The following RANBP2 variants were observed in gnomAD, a reference collection of about 807,000 sequenced individuals.
The protein encoded by RANBP2 is RAN binding protein 2, also known as E3 SUMO-protein ligase RanBP2.
In RANBP2, 57 loss-of-function variants were observed where a neutral mutation model predicts 303.6. The observed-to-expected ratio is 0.19, with a 90% confidence interval of 0.15 to 0.23. The LOEUF (loss-of-function observed/expected upper bound fraction) is 0.23, where lower values mean the gene tolerates loss of function less well. Among genes scored for constraint, RANBP2 ranks in the 10% least tolerant of loss-of-function variants. The pLI is 1.00. For synonymous variants in RANBP2, 1,167 were observed against 1,301.5 expected, an observed-to-expected ratio of 0.90 and a Z score of 2.23; for missense variants, 3,138 against 3,780.8, an observed-to-expected ratio of 0.83 and a Z score of 4.46.
At chr2:109,129,026 TC>T in the RANBP2 span, 1 of 414,456 alleles carries the variant, frequency 2.4e-6, no homozygotes, top group Non-Finnish European at 4.8e-6. Flanking sequence ...TGCTGAATCC[TC>T]TGGAGGACAG....
the RANBP2 span, among the ~76,000 whole-genome samples, chr2:109,314,456 G>T: frequency 6.6e-6 from 1 of 152,148 alleles, no homozygotes; most frequent in Non-Finnish European, 1.5e-5. Flanking sequence ...AGATTGCCCT[G>T]GGGAAAGCAG....
chr2:109,358,967 G>A, the RANBP2 span, among the ~76,000 whole-genome samples: 2 of 152,026 alleles, frequency 1.3e-5, no homozygotes, highest in Non-Finnish European at 2.9e-5. Flanking sequence ...TGTGAGGGGT[G>A]GAATGTTTAT....
chr2:109,585,809 C>T, the RANBP2 span: 3 of 1,611,362 alleles, frequency 1.9e-6, no homozygotes, highest in Non-Finnish European at 2.5e-6. Context: ...CATGGCCAGA[C>T]ATAGTCAACG....
At chr2:108,950,966 C>A in the RANBP2 span, among the ~76,000 whole-genome samples, 1 of 152,214 alleles carries the variant, frequency 6.6e-6, no homozygotes, top group Non-Finnish European at 1.5e-5. Context: ...AGTTGGGGGA[C>A]TCAGCTGCAG....
chr2:109,501,742 G>A, the RANBP2 span: 3 of 686,350 alleles, frequency 4.4e-6, no homozygotes, highest in South Asian at 1.6e-5. Flanking sequence ...ACACAGAGAG[G>A]GAGCCATGGC....
the RANBP2 span, among the ~76,000 whole-genome samples, chr2:109,702,808 T>TC: frequency 1.3e-5 from 2 of 151,376 alleles, no homozygotes; most frequent in Admixed American, 6.6e-5. Flanking sequence ...ATCAGTCTTT[T>TC]TTTTTTTTTA....
chr2:109,430,369 C>T, the RANBP2 span, among the ~76,000 whole-genome samples: 114 of 152,330 alleles, frequency 7.5e-4, no homozygotes, highest in African/African-American at 2.5e-3. Context: ...AAGCCTTCCA[C>T]GGATCCAAGT....
At chr2:109,576,163 A>C in the RANBP2 span, among the ~76,000 whole-genome samples, 1 of 152,226 alleles carries the variant, frequency 6.6e-6, no homozygotes, top group Non-Finnish European at 1.5e-5. Flanking sequence ...TGAGAGGCTA[A>C]GGCAGGCAGA....
At chr2:109,511,184 C>T in the RANBP2 span, among the ~76,000 whole-genome samples, 1 of 152,212 alleles carries the variant, frequency 6.6e-6, no homozygotes, top group African/African-American at 2.4e-5. Context: ...ACTCCTCAGC[C>T]TGTTCTTGGC....
At chr2:108,932,124 G>A in the RANBP2 span, among the ~76,000 whole-genome samples, 1 of 152,178 alleles carries the variant, frequency 6.6e-6, no homozygotes, top group Non-Finnish European at 1.5e-5. Flanking sequence ...CATATGCCAT[G>A]ATGCACAGGA....
the RANBP2 span, chr2:109,568,012 G>C: frequency 6.7e-7 from 1 of 1,490,450 alleles, no homozygotes; most frequent in Non-Finnish European, 9.0e-7. Flanking sequence ...TCTTACTGAG[G>C]ATTTTTTTTT....
the RANBP2 span, among the ~76,000 whole-genome samples, chr2:109,685,170 G>GC: frequency 6.6e-6 from 1 of 152,188 alleles, no homozygotes; most frequent in African/African-American, 2.4e-5. Flanking sequence ...ACCGCGCCCA[G>GC]CCCTCTTTCT....
the RANBP2 span, among the ~76,000 whole-genome samples, chr2:108,975,706 G>A: frequency 6.6e-6 from 1 of 152,170 alleles, no homozygotes; most frequent in Non-Finnish European, 1.5e-5. Context: ...GAGCCCTGTG[G>A]TGGTCGGAGG....
At chr2:109,284,028 G>T in the RANBP2 span, among the ~76,000 whole-genome samples, 2 of 152,144 alleles carry the variant, frequency 1.3e-5, no homozygotes, top group Non-Finnish European at 2.9e-5. Context: ...CCGAGGGGAG[G>T]GTGGCATTGG....
chr2:109,647,823 T>C, the RANBP2 span, among the ~76,000 whole-genome samples: 2 of 152,230 alleles, frequency 1.3e-5, no homozygotes, highest in African/African-American at 4.8e-5. Context: ...CTAGGCTTGC[T>C]TGTATGCCCT....
chr2:108,787,026 G>A (rs1267227946), downstream of RANBP2: 7 of 591,608 alleles, frequency 1.2e-5, no homozygotes, highest in Non-Finnish European at 1.8e-5. Context: ...TCCCGGCCCC[G>A]GCACTCCCGC....
the RANBP2 span, among the ~76,000 whole-genome samples, chr2:108,802,886 A>G: frequency 6.6e-6 from 1 of 152,200 alleles, no homozygotes; most frequent in African/African-American, 2.4e-5. Flanking sequence ...TGTTGAGATA[A>G]TCACGTGGTT....
At chr2:109,766,609 A>G in the RANBP2 span, among the ~76,000 whole-genome samples, 1 of 150,288 alleles carries the variant, frequency 6.7e-6, no homozygotes, top group Non-Finnish European at 1.5e-5. Context: ...CTAAGAATCT[A>G]TTTTGGGAGA....
the RANBP2 span, among the ~76,000 whole-genome samples, chr2:109,366,707 G>T: frequency 6.6e-6 from 1 of 152,096 alleles, no homozygotes; most frequent in South Asian, 2.1e-4. Flanking sequence ...AACAAAATTA[G>T]CTGCGTGTGG....
Sources: allele counts gnomAD v4.1 joint callset (sites outside exome capture counted in the v4.1 genomes callset), GRCh38; gene constraint gnomAD v4.1.1; transcripts MANE v1.5; gene names NCBI Gene and HGNC (gene_info 2026-07-23, HGNC 2026-07-21).